Variants in LGSN observed in about 807,000 individuals in gnomAD.
LGSN encodes lengsin.
Under a neutral mutation model 19.5 loss-of-function variants are expected in LGSN, and 21 were observed. The ratio of observed to expected loss-of-function variants is 1.07; its 90% CI spans 0.76 to 1.55. LGSN has a LOEUF of 1.55. Among genes scored for constraint, LGSN ranks in the 40% most tolerant of loss-of-function variants. The pLI, the probability that LGSN is intolerant of heterozygous loss-of-function variation, is 0.00. For synonymous variants in LGSN, 257 were observed against 215.6 expected, an observed-to-expected ratio of 1.19 and a Z score of -1.68; for missense variants, 673 against 608.5, an observed-to-expected ratio of 1.11 and a Z score of -1.12.
chr6:63,573,474 G>T, the LGSN span: 3 of 152,276 alleles, frequency 2.0e-5, no homozygotes, highest in Non-Finnish European at 4.4e-5. Flanking sequence ...CTGAAGGCGC[G>T]GCGCGAACCC....
the LGSN span, among the ~76,000 whole-genome samples, chr6:63,419,501 T>C: frequency 4.6e-5 from 7 of 152,138 alleles, no homozygotes; most frequent in Admixed American, 2.6e-4. Context: ...CATGCTTTTA[T>C]GTATATCTGC....
chr6:63,431,969 G>A, the LGSN span, among the ~76,000 whole-genome samples: 913 of 151,624 alleles, frequency 6.0e-3, 8 homozygotes, highest in African/African-American at 0.02. Context: ...CCAGCTACTC[G>A]GGAGGCTGAG....
At chr6:63,334,894 T>G in the LGSN span, among the ~76,000 whole-genome samples, 1 of 151,994 alleles carries the variant, frequency 6.6e-6, no homozygotes, top group Non-Finnish European at 1.5e-5. Context: ...ATCTCAGCAC[T>G]TTGGGAGGCT....
the LGSN span, among the ~76,000 whole-genome samples, chr6:63,337,815 A>G: frequency 6.6e-6 from 1 of 152,020 alleles, no homozygotes; most frequent in Admixed American, 6.6e-5. Flanking sequence ...AAAACAAACA[A>G]CAAAAATATG....
chr6:63,412,689 G>GAGAA, the LGSN span, among the ~76,000 whole-genome samples: 83 of 102,502 alleles, frequency 8.1e-4, no homozygotes, highest in South Asian at 3.1e-3. Flanking sequence ...AAGAAAGAAA[G>GAGAA]AGAAAGAAAG....
At chr6:63,376,799 T>A in the LGSN span, among the ~76,000 whole-genome samples, 2 of 152,148 alleles carry the variant, frequency 1.3e-5, no homozygotes, top group African/African-American at 4.8e-5. Flanking sequence ...AAAACAAGAT[T>A]TTGGGGTGAA....
the LGSN span, among the ~76,000 whole-genome samples, chr6:63,414,913 T>TA: frequency 6.6e-6 from 1 of 152,036 alleles, no homozygotes; most frequent in Non-Finnish European, 1.5e-5. Context: ...AGACGCCCTT[T>TA]AAAAAAAATT....
the LGSN span, among the ~76,000 whole-genome samples, chr6:63,390,085 G>C: frequency 1.4e-5 from 2 of 144,600 alleles, no homozygotes; most frequent in Non-Finnish European, 3.0e-5. Flanking sequence ...TAATTCTACA[G>C]CTGAAGTATT....
the LGSN span, among the ~76,000 whole-genome samples, chr6:63,348,733 G>A: frequency 6.9e-6 from 1 of 144,258 alleles, no homozygotes; most frequent in Non-Finnish European, 1.5e-5. Flanking sequence ...TAGAAATGAA[G>A]ATTTTTACTT....
chr6:63,540,902 C>T, the LGSN span, among the ~76,000 whole-genome samples: 2 of 151,068 alleles, frequency 1.3e-5, no homozygotes. Flanking sequence ...ACTCGGGAGG[C>T]TGAGGTAGGA....
the LGSN span, among the ~76,000 whole-genome samples, chr6:63,370,355 C>A: frequency 1.3e-5 from 2 of 152,128 alleles, no homozygotes; most frequent in African/African-American, 4.8e-5. Flanking sequence ...TTAACTTCTT[C>A]GTCTATAAAA....
chr6:63,330,000 T>C, the LGSN span, among the ~76,000 whole-genome samples: 1 of 152,074 alleles, frequency 6.6e-6, no homozygotes, highest in Non-Finnish European at 1.5e-5. Flanking sequence ...TGGCCCTCAA[T>C]AGTTAAACAT....
chr6:63,383,012 G>A, the LGSN span, among the ~76,000 whole-genome samples: 1 of 152,120 alleles, frequency 6.6e-6, no homozygotes, highest in Non-Finnish European at 1.5e-5. Context: ...TAATTAAATA[G>A]CTACAGGCAT....
the LGSN span, among the ~76,000 whole-genome samples, chr6:63,374,264 A>G: frequency 1.3e-5 from 2 of 152,154 alleles, no homozygotes; most frequent in African/African-American, 4.8e-5. Flanking sequence ...TATTTGCATC[A>G]TTTTTTTCTG....
chr6:63,433,664 C>A, the LGSN span, among the ~76,000 whole-genome samples: 2 of 152,186 alleles, frequency 1.3e-5, no homozygotes, highest in Admixed American at 6.5e-5. Context: ...TAGATATACA[C>A]ACAGACATTT....
the LGSN span, chr6:63,572,770 C>T: frequency 2.5e-6 from 1 of 398,264 alleles, no homozygotes. Context: ...CACGACCGGC[C>T]CCCCATCCCC....
the LGSN span, among the ~76,000 whole-genome samples, chr6:63,471,134 G>GT: frequency 0.013 from 1,919 of 146,804 alleles, 40 homozygotes; most frequent in Admixed American, 0.059. Context: ...TTTTTTGGTT[G>GT]TTTTTTTTTG....
the LGSN span, among the ~76,000 whole-genome samples, chr6:63,417,226 A>G: frequency 1.3e-5 from 2 of 152,098 alleles, no homozygotes; most frequent in Non-Finnish European, 2.9e-5. Context: ...CCCCAGCTGC[A>G]GCAATTCCTT....
the LGSN span, among the ~76,000 whole-genome samples, chr6:63,390,584 C>T: frequency 5.3e-5 from 8 of 151,406 alleles, no homozygotes; most frequent in Admixed American, 2.0e-4. Flanking sequence ...CGGCCAGGCG[C>T]GGTGGCTCAC....
Sources: gnomAD v4.1 joint callset for allele counts (sites outside exome capture counted in the v4.1 genomes callset) on GRCh38, gnomAD v4.1.1 for gene constraint, MANE v1.5 for transcripts, NCBI Gene and HGNC (gene_info 2026-07-23, HGNC 2026-07-21) for gene names.